The following ERP44 variants were observed in gnomAD, a reference collection of about 807,000 sequenced individuals.
ERP44 encodes endoplasmic reticulum protein 44.
In ERP44, 25 loss-of-function variants were observed where a neutral mutation model predicts 53.4. The ratio of observed to expected loss-of-function variants is 0.47; its 90% confidence interval spans 0.34 to 0.65. The LOEUF (loss-of-function observed/expected upper bound fraction) is 0.65. Ranked by LOEUF, ERP44 falls within the 30% of genes least tolerant of loss-of-function variation. The pLI, the probability that ERP44 is intolerant of heterozygous loss-of-function variation, is 0.01. For synonymous variants in ERP44, 145 were observed against 161.2 expected, an observed-to-expected ratio of 0.90 and a Z score of 0.76; for missense variants, 338 against 493.2, an observed-to-expected ratio of 0.69 and a Z score of 2.98.
At chr9:99,993,487 C>T (rs1830277175) in intron 10 of ERP44, among the ~76,000 whole-genome samples, 1 of 152,176 alleles carries the variant, frequency 6.6e-6, no homozygotes, top group Admixed American at 6.5e-5. Flanking sequence ...GGATCCCTTC[C>T]TTACACCATA....
At chr9:99,991,468 T>A (rs1205100385) in intron 10 of ERP44, among the ~76,000 whole-genome samples, 3 of 152,084 alleles carry the variant, frequency 2.0e-5, no homozygotes, top group Non-Finnish European at 2.9e-5. Flanking sequence ...TTGAAGCCAA[T>A]GAGAACAAAG....
intron 10 of ERP44, 37 bp downstream of exon 10, chr9:100,006,469 A>G (rs199891813): frequency 4.1e-6 from 6 of 1,459,140 alleles, no homozygotes; most frequent in East Asian, 2.3e-5. Flanking sequence ...TTTGAAAAAC[A>G]TATCAGTAAT....
At chr9:100,045,478 A>C (rs765696798) in intron 4 of ERP44, among the ~76,000 whole-genome samples, 10 of 152,190 alleles carry the variant, frequency 6.6e-5, no homozygotes, top group Non-Finnish European at 1.2e-4. Flanking sequence ...TAAATGAATA[A>C]TACTACTTAA....
intron 4 of ERP44, among the ~76,000 whole-genome samples, chr9:100,047,279 A>G (rs534030757): frequency 6.6e-6 from 1 of 152,320 alleles, no homozygotes; most frequent in South Asian, 2.1e-4. Context: ...TTCTCTTCAA[A>G]AGACACTCAA....
At chr9:100,029,815 T>C (rs931750866) in intron 4 of ERP44, among the ~76,000 whole-genome samples, 4 of 152,074 alleles carry the variant, frequency 2.6e-5, no homozygotes, top group African/African-American at 9.7e-5. Context: ...TGGGGCCGGG[T>C]GCGGTGGCTC....
At chr9:100,013,250 C>A (rs966277149) in intron 8 of ERP44, among the ~76,000 whole-genome samples, 11 of 152,042 alleles carry the variant, frequency 7.2e-5, no homozygotes, top group African/African-American at 2.4e-4. Flanking sequence ...TATACTCTTT[C>A]TTAAGAACTC....
At chr9:100,051,271 T>C (rs1356392463) in intron 4 of ERP44, among the ~76,000 whole-genome samples, 1 of 152,190 alleles carries the variant, frequency 6.6e-6, no homozygotes, top group Non-Finnish European at 1.5e-5. Context: ...ATGAAGGCAT[T>C]TGGTCAGAAA....
rs1168903331 is a variant in ERP44 at position 100,043,291 on chromosome 9, A to AAAAAAAAAAAAAAAAAAAAAAAG, written c.286+9125_286+9126insCTTTTTTTTTTTTTTTTTTTTTT. Among the ~76,000 whole-genome samples, 36 of 74,926 alleles carry AAAAAAAAAAAAAAAAAAAAAAAG rather than the reference A, an allele frequency of 4.8e-4. 12 individuals are homozygous for AAAAAAAAAAAAAAAAAAAAAAAG. The highest frequency in any genetic ancestry group is 1.7e-3 in the East Asian group (3 of 1,780). The allele number at this position is 74,926 out of a possible 152,430, so 49.2% of individuals were successfully genotyped here. On this transcript the variant is annotated intron_variant, in intron 4 of 11. Coordinates refer to ENST00000262455, the MANE Select transcript of ERP44 (RefSeq NM_015051.3). ...AAAAAAAAAAAAAAAAAAAAAAAAAAGATAAATAAGACATAGTATTTGCTA... is the reference window on the plus strand; with the variant it reads ...AAAAAAAAAAAAAAAAAAAAAAAAAAAAAAAAAAAAAAAAAAAAAAAAGGATAAATAAGACATAGTATTTGCTA...
At position 100,078,455 on chromosome 9, in the gene ERP44, CAAAAA is replaced by C. The variant is rs61442605; in HGVS notation, c.58-18288_58-18284del. Among the ~76,000 whole-genome samples the C allele has an allele frequency of 1.7e-3, 196 of 114,718 alleles. 1 individual carries two copies. The highest frequency in any genetic ancestry group is 6.4e-3 in the African/African-American group (191 of 29,992). The allele number at this position is 114,718 out of a possible 152,430, so 75.3% of individuals were successfully genotyped here. A position where few individuals can be genotyped will look rare whatever the true frequency, so the allele number is the denominator to read the frequency against. On this transcript the variant is annotated intron_variant, in intron 1 of 11. Transcript: ENST00000262455. ...CCTGGGTGACAGAGCAAGACTCTATCAAAAAAAAAAAAAAAAAGTCCGGGTGCAGC... is the reference window on the plus strand; with the variant it reads ...CCTGGGTGACAGAGCAAGACTCTATCAAAAAAAAAAAAGTCCGGGTGCAGC...
intron 10 of ERP44, among the ~76,000 whole-genome samples, chr9:99,997,988 T>C (rs1233523796): frequency 6.6e-6 from 1 of 152,112 alleles, no homozygotes; most frequent in Non-Finnish European, 1.5e-5. Context: ...CTTGCACTGA[T>C]CCAATACTAA....
chr9:99,990,849 A>C (rs10988936), intron 10 of ERP44, among the ~76,000 whole-genome samples: 30,852 of 152,100 alleles, frequency 0.2, 5,226 homozygotes, highest in African/African-American at 0.47. Context: ...AGCAAAAAAA[A>C]AGCAGGGGTT....
chr9:100,017,876 T>C (rs932825973), intron 7 of ERP44, among the ~76,000 whole-genome samples: 3 of 152,262 alleles, frequency 2.0e-5, no homozygotes, highest in South Asian at 4.1e-4. Context: ...CCCAGAAGAT[T>C]TGGGAGTTTG....
At chr9:100,093,424 G>A (rs1482516634) in intron 1 of ERP44, among the ~76,000 whole-genome samples, 5 of 152,152 alleles carry the variant, frequency 3.3e-5, no homozygotes, top group East Asian at 1.9e-4. Flanking sequence ...CGGGTGGATC[G>A]CTTGAGCCCA....
At chr9:100,058,405 G>C (rs1429638137) in intron 2 of ERP44, among the ~76,000 whole-genome samples, 1 of 152,164 alleles carries the variant, frequency 6.6e-6, no homozygotes, top group Non-Finnish European at 1.5e-5. Flanking sequence ...TGAATTTAAA[G>C]CAAATGTGAA....
intron 1 of ERP44, among the ~76,000 whole-genome samples, chr9:100,064,810 CA>C: frequency 6.6e-6 from 1 of 151,712 alleles, no homozygotes; most frequent in East Asian, 1.9e-4. Context: ...TCTTGGTTTT[CA>C]ACAAAAAAGC....
intron 1 of ERP44, among the ~76,000 whole-genome samples, chr9:100,092,520 C>T (rs1042629010): frequency 2.0e-5 from 3 of 152,166 alleles, no homozygotes; most frequent in Admixed American, 6.5e-5. Context: ...ATGGAAGAGT[C>T]GGAACTTACA....
intron 4 of ERP44, among the ~76,000 whole-genome samples, chr9:100,023,018 A>G (rs1448663753): frequency 6.6e-6 from 1 of 152,204 alleles, no homozygotes; most frequent in Non-Finnish European, 1.5e-5. Context: ...GAGATTGAGA[A>G]GAATGCTTTA....
chr9:99,982,289 C>T lies in ERP44; in HGVS notation c.*323G>A, dbSNP rs897726845. The T allele has an allele frequency of 6.3e-6, 1 of 159,162 alleles. No homozygotes were observed. Among genetic ancestry groups the T allele is most frequent in the African/African-American group, 2.4e-5 (1 of 41,710 alleles). 9.9% of individuals were successfully genotyped at this position (159,162 alleles called of 1,614,324 possible). A position where few individuals can be genotyped will look rare whatever the true frequency, so the allele number is the denominator to read the frequency against. ...CACAGGAAACATCCCTAAGTCCTCCCTACCCTAGTAGTGCAAGTTAATGGT... is the reference window on the plus strand; with the variant it reads ...CACAGGAAACATCCCTAAGTCCTCCTTACCCTAGTAGTGCAAGTTAATGGT... On this transcript the variant is annotated 3_prime_UTR_variant, in exon 12 of 12. Transcript: ENST00000262455.
intron 1 of ERP44, among the ~76,000 whole-genome samples, chr9:100,062,827 C>T (rs1163801618): frequency 6.6e-6 from 1 of 151,982 alleles, no homozygotes; most frequent in Admixed American, 6.6e-5. Flanking sequence ...AATCCCAGCA[C>T]TTTGGGAGGC....
Sources: gnomAD v4.1 joint callset for allele counts (sites outside exome capture counted in the v4.1 genomes callset) on GRCh38, gnomAD v4.1.1 for gene constraint, MANE v1.5 for transcripts, NCBI Gene and HGNC (gene_info 2026-07-23, HGNC 2026-07-21) for gene names.